The following TRMT9B variants were observed in gnomAD, a reference collection of about 807,000 sequenced individuals.
The protein encoded by TRMT9B is tRNA methyltransferase 9B (putative).
Under a neutral mutation model 11.5 loss-of-function variants are expected in TRMT9B, and 16 were observed. The observed-to-expected ratio is 1.39, with a 90% CI of 0.94 to 2.11. The LOEUF (loss-of-function observed/expected upper bound fraction) is 2.11. Ranked by LOEUF, TRMT9B falls within the 30% of genes most tolerant of loss-of-function variation. The pLI is 0.00. For synonymous variants in TRMT9B, 274 were observed against 192.4 expected (o/e 1.42, Z -3.51); for missense variants, 941 against 553.8 (o/e 1.70, Z -7.02).
rs140998196 is a variant in TRMT9B, at chr8:13,011,550, T to G, written c.155-1134T>G. 911 of 943,880 alleles carry G rather than the reference T, an allele frequency of 9.7e-4. 11 individuals are homozygous for G. In the African/African-American group the frequency reaches 0.015, roughly 16 times the overall value. 58.5% of individuals were successfully genotyped at this position (943,880 alleles called of 1,614,324 possible). The stretch of plus-strand genomic sequence containing the variant: ...TAATATTTCTGGAAAGTAATTAGAT[T>G]ATATATCTGTGATAGAATATAATAC... On this transcript the variant is annotated intron_variant, in intron 3 of 4. Coordinates refer to ENST00000524591, the MANE Select transcript of TRMT9B (RefSeq NM_020844.3).
Position 12,976,177 on chromosome 8 carries a change from C to A in TRMT9B, c.-199-14657C>A, listed in dbSNP as rs77649168. ...AGTGCCACTGCTGAGCTCCTGCTGC[C>A]ACCCTCGGCACCTGCCCTAGTTCTC... On this transcript the variant is annotated intron_variant, in intron 1 of 4. Transcript: ENST00000524591. Among the ~76,000 whole-genome samples, 492 of 152,298 alleles carry A rather than the reference C, an allele frequency of 3.2e-3. 4 individuals are homozygous for A. Among genetic ancestry groups the A allele is most frequent in the African/African-American group, 9.9e-3 (411 of 41,554 alleles).
In TRMT9B at chr8:13,021,654, A is replaced by C. The variant is rs1454715198; in HGVS notation, c.975A>C (p.Arg325Ser). 1 of 1,613,836 alleles carries C rather than the reference A, an allele frequency of 6.2e-7. No homozygotes were observed. Among genetic ancestry groups the C allele is most frequent in the Admixed American group, 1.7e-5 (1 of 60,020 alleles). Residue 325 changes from arginine to serine, a missense_variant, in exon 5 of 5, where the codon AGA becomes AGC. Arg to Ser is a moderately radical substitution (Grantham distance 110). Transcript: ENST00000524591. The stretch of plus-strand genomic sequence containing the variant: ...CTGGAAAACACTTGGAGTGGCTGAG[A>C]GCACCAGGCACTCTGAAACATTTAA... ...SSSGKHLEWL[R>S]APGTLKHLNG...
chr8:12,967,474 G>T (rs1437172898), intron 1 of TRMT9B, among the ~76,000 whole-genome samples: 3 of 152,180 alleles, frequency 2.0e-5, no homozygotes, highest in African/African-American at 7.2e-5. Flanking sequence ...TTACCCCAGA[G>T]ATTTTTCTTG....
chr8:12,950,118 T>C lies in TRMT9B; in HGVS notation c.-200+4152T>C, dbSNP rs149473219. 1.6e-4 allele frequency among the ~76,000 whole-genome samples: 25 copies of C among 152,290 alleles called. No homozygotes were observed. In the East Asian group the frequency reaches 4.8e-3, roughly 29 times the overall value. ...ATCCTCCCACCTCAGCCTCCCAAAC[T>C]GCTGGAATAACAGGCATGAGCCACC... is the stretch of plus-strand genomic sequence containing the variant. On this transcript the variant is annotated intron_variant, in intron 1 of 4. Transcript: ENST00000524591.
At chr8:12,988,795 C>A (rs1350532977) in intron 1 of TRMT9B, among the ~76,000 whole-genome samples, 1 of 152,074 alleles carries the variant, frequency 6.6e-6, no homozygotes, top group Non-Finnish European at 1.5e-5. Flanking sequence ...CATATCAATT[C>A]TATTATTTTT....
intron 2 of TRMT9B, among the ~76,000 whole-genome samples, chr8:13,001,721 C>T (rs1437242708): frequency 2.7e-5 from 4 of 146,168 alleles, no homozygotes; most frequent in African/African-American, 4.9e-5. Flanking sequence ...CTCTTTTCTC[C>T]AAGATTTTTC....
In TRMT9B at chr8:13,022,221, C is replaced by A; in HGVS notation, c.*177C>A. On this transcript the variant is annotated 3_prime_UTR_variant, in exon 5 of 5. Transcript: ENST00000524591. Reference sequence around the variant, plus strand: ...ATTTTTGAATAAGCACAGATTCTGGCATTGAAAGCACTTGACAAAGGGTAT... The same window carrying A: ...ATTTTTGAATAAGCACAGATTCTGGAATTGAAAGCACTTGACAAAGGGTAT... 5.6e-6 allele frequency: 3 copies of A among 539,282 alleles called. No homozygotes were observed. The highest frequency in any genetic ancestry group is 3.3e-5 in the South Asian group (1 of 30,710). The allele number at this position is 539,282 out of a possible 1,614,324, so 33.4% of individuals were successfully genotyped here. A position where few individuals can be genotyped will look rare whatever the true frequency, so the allele number is the denominator to read the frequency against.
intron 1 of TRMT9B, among the ~76,000 whole-genome samples, chr8:12,981,245 C>G (rs1237582083): frequency 6.6e-6 from 1 of 152,212 alleles, no homozygotes; most frequent in African/African-American, 2.4e-5. Flanking sequence ...ATAGAAACAA[C>G]ACGTTGATTT....
At chr8:12,946,608 T>C (rs10091324) in intron 1 of TRMT9B, among the ~76,000 whole-genome samples, 5,652 of 152,174 alleles carry the variant, frequency 0.037, 177 homozygotes, top group African/African-American at 0.082. Flanking sequence ...GATCTGCAGG[T>C]TTATGAGAAG....
In TRMT9B at chr8:13,028,495, C is replaced by T. The variant is rs983262189; in HGVS notation, c.*6451C>T. 6.0e-6 allele frequency: 1 copy of T among 166,894 alleles called. No individual in the cohort carries two copies. Among genetic ancestry groups the T allele is most frequent in the East Asian group, 1.9e-4 (1 of 5,180 alleles). The allele number at this position is 166,894 out of a possible 1,614,324, so 10.3% of individuals were successfully genotyped here. A position where few individuals can be genotyped will look rare whatever the true frequency, so the allele number is the denominator to read the frequency against. ...AGCCAGTGTACCTTGATGTTGAATT[C>T]CCTGAAGAAGGTACAATTATATTTA... On this transcript the variant is annotated 3_prime_UTR_variant, in exon 5 of 5. Transcript: ENST00000524591.
intron 1 of TRMT9B, among the ~76,000 whole-genome samples, chr8:12,982,332 T>C (rs1281914104): frequency 1.3e-5 from 2 of 152,236 alleles, no homozygotes; most frequent in Non-Finnish European, 2.9e-5. Flanking sequence ...GATTCTACTA[T>C]GCTTTGCATA....
chr8:12,983,625 G>A (rs1278095072), intron 1 of TRMT9B, among the ~76,000 whole-genome samples: 1 of 152,118 alleles, frequency 6.6e-6, no homozygotes. Flanking sequence ...AGCCAAGATG[G>A]TGTCACTGCA....
At chr8:12,959,389 G>A (rs951104743) in intron 1 of TRMT9B, among the ~76,000 whole-genome samples, 2 of 151,922 alleles carry the variant, frequency 1.3e-5, no homozygotes, top group African/African-American at 4.8e-5. Context: ...CTTCAGCTAT[G>A]TGTATATAAA....
chr8:13,011,561 G>A, intron 3 of TRMT9B: 2 of 935,286 alleles, frequency 2.1e-6, no homozygotes, highest in Non-Finnish European at 2.5e-6. Context: ...ATATATCTGT[G>A]ATAGAATATA....
intron 1 of TRMT9B, among the ~76,000 whole-genome samples, chr8:12,985,580 A>G (rs1170368119): frequency 6.6e-6 from 1 of 152,168 alleles, no homozygotes; most frequent in Non-Finnish European, 1.5e-5. Context: ...ATTAGTCTGT[A>G]GCTTTGAGAC....
chr8:12,995,731 C>T lies in TRMT9B; in HGVS notation c.-2+4700C>T, dbSNP rs368024330. Among the ~76,000 whole-genome samples, 335 of 152,138 alleles carry T rather than the reference C, an allele frequency of 2.2e-3. 2 individuals are homozygous for T. Among genetic ancestry groups the T allele is most frequent in the African/African-American group, 6.8e-3 (282 of 41,512 alleles). On this transcript the variant is annotated intron_variant, in intron 2 of 4. Coordinates refer to ENST00000524591, the MANE Select transcript of TRMT9B (RefSeq NM_020844.3). ...ATTCATCTATTAGTTGTGTGTGTTT[C>T]GGGAGATTAACCATCCAGATACCAA...
chr8:12,972,804 G>A (rs113830333), intron 1 of TRMT9B, among the ~76,000 whole-genome samples: 129 of 152,016 alleles, frequency 8.5e-4, no homozygotes, highest in Middle Eastern at 3.4e-3. Flanking sequence ...AGAAATGACT[G>A]AAATGTTTTT....
intron 2 of TRMT9B, among the ~76,000 whole-genome samples, chr8:13,003,857 C>G (rs1809916502): frequency 6.7e-6 from 1 of 149,766 alleles, no homozygotes; most frequent in Non-Finnish European, 1.5e-5. Context: ...AGAGCGCTCA[C>G]AGTGCCTGGT....
Position 13,022,108 on chromosome 8 carries a change from G to T in TRMT9B, c.*64G>T, listed in dbSNP as rs1814062893. On this transcript the variant is annotated 3_prime_UTR_variant, in exon 5 of 5. Coordinates refer to ENST00000524591, the MANE Select transcript of TRMT9B (RefSeq NM_020844.3). ...CATTCTTTCCTCTTGGTTTGATATGGTTACCTGAATTTGCATTCAGTGTTA... is the reference window on the plus strand; with the variant it reads ...CATTCTTTCCTCTTGGTTTGATATGTTTACCTGAATTTGCATTCAGTGTTA... 4 of 1,200,172 alleles carry T rather than the reference G, an allele frequency of 3.3e-6. No individual in the cohort carries two copies. The African/African-American group carries it at 4.6e-5, about 14-fold the overall frequency. 74.3% of individuals were successfully genotyped at this position (1,200,172 alleles called of 1,614,324 possible). A position where few individuals can be genotyped will look rare whatever the true frequency, so the allele number is the denominator to read the frequency against.
Sources: allele counts gnomAD v4.1 joint callset (sites outside exome capture counted in the v4.1 genomes callset), GRCh38; gene constraint gnomAD v4.1.1; transcripts MANE v1.5; gene names NCBI Gene and HGNC (gene_info 2026-07-23, HGNC 2026-07-21).